Variants in IL18RAP observed in about 807,000 individuals in gnomAD.
IL18RAP encodes interleukin 18 receptor accessory protein.
IL18RAP carries 37 observed loss-of-function variants against 58.1 expected under a neutral mutation model. The observed-to-expected ratio is 0.64, with a 90% confidence interval of 0.49 to 0.84. The LOEUF (loss-of-function observed/expected upper bound fraction) is 0.84. Among genes scored for constraint, IL18RAP ranks in the 40% least tolerant of loss-of-function variants. The probability of loss-of-function intolerance (pLI) is 0.00; values close to 1 mark genes in which losing one functional copy is unlikely to be tolerated. For synonymous variants in IL18RAP, 268 were observed against 257.5 expected (o/e 1.04, Z -0.39); for missense variants, 667 against 704.8 (o/e 0.95, Z 0.61).
In IL18RAP at chr2:102,437,344, G is replaced by C; in HGVS notation, c.712G>C (p.Val238Leu). 6.2e-7 allele frequency: 1 copy of C among 1,612,984 alleles called. No homozygotes were observed. The highest frequency in any genetic ancestry group is 8.5e-7 in the Non-Finnish European group (1 of 1,179,536). ...GAGTTCGTGGACAGTCAGAGCTGTT[G>C]TTCAAGTGAGAACCATTGGTAAGTG... ...TVSSWTVRAV[V>L]QVRTIVGDTK... is the part of the protein sequence containing the mutation. The change falls in exon 4 of 10, where the codon GTT (valine) becomes CTT (leucine). Residue 238 changes from valine (V) to leucine (L), a missense_variant. Transcript: ENST00000687160.
chr2:102,450,831 A>G lies in IL18RAP; in HGVS notation c.1211-17A>G. 6.5e-7 allele frequency: 1 copy of G among 1,537,138 alleles called. No individual in the cohort carries two copies. Among genetic ancestry groups the G allele is most frequent in the Non-Finnish European group, 8.8e-7 (1 of 1,137,456 alleles). The stretch of plus-strand genomic sequence containing the variant: ...GAGTAAATGACTTATGTTTTTATAA[A>G]TTTTCCTATTCTTCAGATAAAAAGG... On this transcript the variant is annotated splice_polypyrimidine_tract_variant and intron_variant, in intron 8 of 9. Coordinates refer to ENST00000687160, the MANE Select transcript of IL18RAP (RefSeq NM_001393487.1).
chr2:102,451,219 A>G (rs1683744489), intron 9 of IL18RAP, among the ~76,000 whole-genome samples, 198 bp downstream of exon 9: 1 of 152,212 alleles, frequency 6.6e-6, no homozygotes, highest in Non-Finnish European at 1.5e-5. Flanking sequence ...GCAGAAGAAG[A>G]CAATCACATG....
At chr2:102,447,726 G>GTATGTATGTATGTATT (rs377209832) in intron 8 of IL18RAP, among the ~76,000 whole-genome samples, 8 of 149,634 alleles carry the variant, frequency 5.3e-5, no homozygotes, top group African/African-American at 1.7e-4. Flanking sequence ...ATGTATGTAT[G>GTATGTATGTATGTATT]TATTTATTTA....
intron 3 of IL18RAP, among the ~76,000 whole-genome samples, chr2:102,430,945 G>A (rs1682308523): frequency 6.6e-6 from 1 of 152,060 alleles, no homozygotes; most frequent in African/African-American, 2.4e-5. Flanking sequence ...AACCTTCATA[G>A]TAATGATAAA....
rs569615504 is a variant in IL18RAP at position 102,424,540 on chromosome 2, C to T, written c.579+126C>T. 9 of 767,238 alleles carry T rather than the reference C, an allele frequency of 1.2e-5. No individual in the cohort carries two copies. In the Middle Eastern group the frequency reaches 2.2e-3, roughly 185 times the overall value. 47.5% of individuals were successfully genotyped at this position (767,238 alleles called of 1,614,324 possible). ...CAGCTTCTCAAAAACTGGCCCTGTGCCTCTGCAGGAGATCTGACTTTCTAA... is the reference window on the plus strand; with the variant it reads ...CAGCTTCTCAAAAACTGGCCCTGTGTCTCTGCAGGAGATCTGACTTTCTAA... On this transcript the variant is annotated intron_variant, in intron 3 of 9. Transcript: ENST00000687160.
chr2:102,436,503 G>A (rs1255396180), intron 3 of IL18RAP, among the ~76,000 whole-genome samples: 2 of 152,122 alleles, frequency 1.3e-5, no homozygotes, highest in African/African-American at 4.8e-5. Context: ...CCAGCCTGCT[G>A]GAAATTCCTT....
Position 102,423,334 on chromosome 2 carries a change from A to T in IL18RAP, c.57A>T (p.Gly19=), listed in dbSNP as rs1681698768. The part of the protein sequence containing the change: ...LWLVAGERIK[G]FNISGCSTKK... The stretch of plus-strand genomic sequence containing the variant: ...TTGTTGCAGGAGAGCGAATTAAAGG[A>T]TTTAATATTTCAGGTAGGGGTTTTC... Residue 19 remains glycine (G), a synonymous_variant, in exon 1 of 10, where the codon GGA becomes GGT. Transcript: ENST00000687160. 2 of 1,613,806 alleles carry T rather than the reference A, an allele frequency of 1.2e-6. No individual in the cohort carries two copies. The highest frequency in any genetic ancestry group is 1.7e-6 in the Non-Finnish European group (2 of 1,179,820).
At chr2:102,432,884 A>C (rs1682476989) in intron 3 of IL18RAP, among the ~76,000 whole-genome samples, 1 of 152,226 alleles carries the variant, frequency 6.6e-6, no homozygotes, top group Non-Finnish European at 1.5e-5. Flanking sequence ...TCTAATTTCT[A>C]AAAATGTAAT....
At chr2:102,446,793 T>A (rs1683447306) in intron 7 of IL18RAP, among the ~76,000 whole-genome samples, 1 of 90,306 alleles carries the variant, frequency 1.1e-5, no homozygotes. Flanking sequence ...AGACTCCGTC[T>A]CCAAAAAAAA....
At chr2:102,431,505 C>T (rs1573274241) in intron 3 of IL18RAP, among the ~76,000 whole-genome samples, 1 of 152,266 alleles carries the variant, frequency 6.6e-6, no homozygotes, top group East Asian at 1.9e-4. Flanking sequence ...CTTAAATATG[C>T]TTTCTGACTT....
intron 4 of IL18RAP, among the ~76,000 whole-genome samples, chr2:102,438,012 A>T (rs796543769): frequency 1.8e-4 from 28 of 152,336 alleles, no homozygotes; most frequent in African/African-American, 6.0e-4. Context: ...ACTTGGTGTT[A>T]TCAGACTTTA....
intron 4 of IL18RAP, chr2:102,438,960 G>A (rs17027166): frequency 0.26 from 39,282 of 152,158 alleles, 5,376 homozygotes; most frequent in East Asian, 0.4. Flanking sequence ...GAGAGCTGAT[G>A]GATGAGGACA....
chr2:102,423,236 GGAAT>G lies in IL18RAP; in HGVS notation c.-38_-35del, dbSNP rs1339384867. 1 of 1,578,104 alleles carries G rather than the reference GGAAT, an allele frequency of 6.3e-7. No individual in the cohort carries two copies. The highest frequency in any genetic ancestry group is 8.7e-7 in the Non-Finnish European group (1 of 1,147,412). ...TCTCAAAACACTCTACTCTGGCAAA[GGAAT>G]GAAGTTATTGGAGTGATGACAGGAA... is the stretch of plus-strand genomic sequence containing the variant. On this transcript the variant is annotated 5_prime_UTR_variant, in exon 1 of 10. The change abolishes an upstream ATG in the 5' untranslated region. Coordinates refer to ENST00000687160, the MANE Select transcript of IL18RAP (RefSeq NM_001393487.1).
chr2:102,441,411 G>C (rs901192452), intron 5 of IL18RAP, 34 bp downstream of exon 5: 2 of 1,541,848 alleles, frequency 1.3e-6, no homozygotes, highest in East Asian at 4.5e-5. Flanking sequence ...GAATGACATC[G>C]TGCTGCTGGG....
chr2:102,451,290 C>T (rs1031246197), intron 9 of IL18RAP, among the ~76,000 whole-genome samples: 1 of 152,182 alleles, frequency 6.6e-6, no homozygotes, highest in Non-Finnish European at 1.5e-5. Context: ...CTGAAGGCTG[C>T]GAAGTGAACT....
intron 4 of IL18RAP, chr2:102,440,083 A>T (rs1416892709): frequency 6.6e-6 from 1 of 152,298 alleles, no homozygotes; most frequent in Non-Finnish European, 1.5e-5. Flanking sequence ...GAAATTGATG[A>T]TGTAGGAAAG....
At position 102,437,278 on chromosome 2, in the gene IL18RAP, C is replaced by A; in HGVS notation, c.646C>A (p.Gln216Lys). The A allele has an allele frequency of 6.2e-7, 1 of 1,613,708 alleles. No individual in the cohort carries two copies. Among genetic ancestry groups the A allele is most frequent in the Non-Finnish European group, 8.5e-7 (1 of 1,179,808 alleles). Residue 216 changes from glutamine (Q) to lysine (K), a missense_variant, in exon 4 of 10, where the codon CAG (glutamine) becomes AAG (lysine). Gln to Lys is a moderately conservative substitution (Grantham distance 53). Coordinates refer to ENST00000687160, the MANE Select transcript of IL18RAP (RefSeq NM_001393487.1). ...IVVDEVYDYH[Q>K]GTYVCDYTQS... is the part of the protein sequence containing the mutation. The stretch of plus-strand genomic sequence containing the variant: ...AGTGGATGAAGTTTATGACTATCAC[C>A]AGGGCACATATGTATGTGATTACAC...
upstream of IL18RAP, among the ~76,000 whole-genome samples, chr2:102,421,861 T>G (rs185424318): frequency 6.6e-6 from 1 of 152,208 alleles, no homozygotes; most frequent in Admixed American, 6.5e-5. Flanking sequence ...TTGTCCAAGA[T>G]TAATCTCCCC....
At chr2:102,437,459 G>T (rs942952592) in intron 4 of IL18RAP, 97 bp downstream of exon 4, 6 of 1,241,520 alleles carry the variant, frequency 4.8e-6, no homozygotes, top group Non-Finnish European at 6.7e-6. Context: ...GGAAAGAAAA[G>T]GATAGTCATA....
Sources: gnomAD v4.1 joint callset for allele counts (sites outside exome capture counted in the v4.1 genomes callset) on GRCh38, gnomAD v4.1.1 for gene constraint, MANE v1.5 for transcripts, NCBI Gene and HGNC (gene_info 2026-07-23, HGNC 2026-07-21) for gene names.